Variants in CCDC169 observed in about 807,000 individuals in gnomAD.
CCDC169 encodes coiled-coil domain containing 169.
A neutral mutation model predicts 36.0 loss-of-function variants in CCDC169; 30 were observed. That is an observed-to-expected ratio of 0.83 (90% CI 0.62 to 1.13). The LOEUF is 1.13. CCDC169 is among the 50% of genes most tolerant of loss of function. The pLI is 0.00. For missense variants in CCDC169, 245 were observed against 245.9 expected (o/e 1.00, Z 0.03); for synonymous variants, 85 against 81.5 (o/e 1.04, Z -0.23).
At chr13:36,286,918 C>T (rs1878323958) in intron 2 of CCDC169, among the ~76,000 whole-genome samples, 1 of 152,170 alleles carries the variant, frequency 6.6e-6, no homozygotes, top group Non-Finnish European at 1.5e-5. Flanking sequence ...ACCTGACCTC[C>T]TTTCTCCTCT....
chr13:36,244,705 A>C (rs1172835827), intron 7 of CCDC169: 1 of 152,346 alleles, frequency 6.6e-6, no homozygotes, highest in Non-Finnish European at 1.5e-5. Context: ...GGGAGGAAGG[A>C]AATATATATT....
intron 4 of CCDC169, chr13:36,280,463 T>C (rs1481716574): frequency 2.0e-5 from 3 of 152,036 alleles, no homozygotes; most frequent in African/African-American, 7.2e-5. Context: ...TCCAACACAA[T>C]GGAACATAAT....
rs544115086 is a variant in CCDC169 at position 36,297,474 on chromosome 13, G to A, written c.83+163C>T. Among the ~76,000 whole-genome samples, 4 of 152,300 alleles carry A rather than the reference G, an allele frequency of 2.6e-5. No individual in the cohort carries two copies. The East Asian group carries it at 7.7e-4, about 29-fold the overall frequency. ...CAAAGGCTTACTCAAAGAGGCACGTGAATCTTTCGCATGGAATACTTTTGG... is the reference window on the plus strand; with the variant it reads ...CAAAGGCTTACTCAAAGAGGCACGTAAATCTTTCGCATGGAATACTTTTGG... On this transcript the variant is annotated intron_variant, in intron 1 of 7. Coordinates refer to ENST00000239859, the MANE Select transcript of CCDC169 (RefSeq NM_001144981.3).
At chr13:36,270,984 CAACCCACAG>C (rs1394693049) in intron 4 of CCDC169, among the ~76,000 whole-genome samples, 2 of 152,156 alleles carry the variant, frequency 1.3e-5, no homozygotes, top group African/African-American at 4.8e-5. Context: ...AGCAAGCACA[CAACCCACAG>C]AACGGGAGGA....
At chr13:36,276,503 T>C (rs1273215482) in intron 4 of CCDC169, among the ~76,000 whole-genome samples, 1 of 152,208 alleles carries the variant, frequency 6.6e-6, no homozygotes, top group East Asian at 1.9e-4. Flanking sequence ...TCTCTGTTTC[T>C]ACACCTTCTC....
At chr13:36,228,535 T>C (rs9531634), downstream of CCDC169, among the ~76,000 whole-genome samples, 61,503 of 151,900 alleles carry the variant, frequency 0.4, 13,214 homozygotes, top group Non-Finnish European at 0.48. Context: ...ATTTTTGCTG[T>C]GGTTATTGCA....
intron 2 of CCDC169, among the ~76,000 whole-genome samples, chr13:36,292,996 T>C (rs1879086655): frequency 6.6e-6 from 1 of 152,172 alleles, no homozygotes; most frequent in Non-Finnish European, 1.5e-5. Flanking sequence ...GCTCTGTTGG[T>C]AGAAACAGGT....
chr13:36,242,324 C>T (rs1013675484), intron 7 of CCDC169, among the ~76,000 whole-genome samples: 3 of 152,126 alleles, frequency 2.0e-5, no homozygotes, highest in Admixed American at 6.5e-5. Context: ...AATTTGCATT[C>T]TGCTGATGAG....
chr13:36,248,647 C>T lies in CCDC169; in HGVS notation c.504G>A (p.Gln168=). The part of the protein sequence containing the change: ...SGLHQVSKRQ[Q]VDQLPRMQEN... ...CTTGCATCCTAGGCAGTTGATCCACCTGTTGCCTTTTAGAAACTTGATGTA... is the reference window on the plus strand; with the variant it reads ...CTTGCATCCTAGGCAGTTGATCCACTTGTTGCCTTTTAGAAACTTGATGTA... Residue 168 remains glutamine (Q), a synonymous_variant, in exon 7 of 8, where the codon CAG becomes CAA. Coordinates refer to ENST00000239859, the MANE Select transcript of CCDC169 (RefSeq NM_001144981.3). 6.4e-7 allele frequency: 1 copy of T among 1,550,478 alleles called. No individual in the cohort carries two copies. Among genetic ancestry groups the T allele is most frequent in the East Asian group, 2.4e-5 (1 of 40,874 alleles).
At position 36,255,659 on chromosome 13, in the gene CCDC169, T is replaced by TAA. The variant is rs3083965; in HGVS notation, c.316-1518_316-1517dup. On this transcript the variant is annotated intron_variant, in intron 4 of 7. Transcript: ENST00000239859. ...AGCTGAGTGACAGAGCAAGGCTCCA[T>TAA]AAAAAAAAAAAAAAAAAAGAGGCCT... 1.3e-3 allele frequency among the ~76,000 whole-genome samples: 156 copies of TAA among 124,580 alleles called. 2 individuals are homozygous for TAA. The highest frequency in any genetic ancestry group is 3.6e-3 in the South Asian group (13 of 3,582). 81.7% of individuals were successfully genotyped at this position (124,580 alleles called of 152,430 possible). A position where few individuals can be genotyped will look rare whatever the true frequency, so the allele number is the denominator to read the frequency against.
intron 4 of CCDC169, among the ~76,000 whole-genome samples, chr13:36,263,493 CTT>C (rs1392762752): frequency 6.6e-6 from 1 of 152,148 alleles, no homozygotes; most frequent in Non-Finnish European, 1.5e-5. Flanking sequence ...TCTCTAAACA[CTT>C]TATTCTCTCT....
At chr13:36,281,964 A>G (rs1877595956) in intron 4 of CCDC169, among the ~76,000 whole-genome samples, 1 of 152,240 alleles carries the variant, frequency 6.6e-6, no homozygotes. Context: ...TTAATGATAT[A>G]GTTTAAAGAT....
At chr13:36,261,462 C>T (rs1486903425) in intron 4 of CCDC169, among the ~76,000 whole-genome samples, 1 of 152,204 alleles carries the variant, frequency 6.6e-6, no homozygotes, top group Non-Finnish European at 1.5e-5. Context: ...GATAGTTTTA[C>T]CTTTCCTACC....
chr13:36,254,156 A>G lies in CCDC169; in HGVS notation c.316-13T>C. ...TGTTTAAGGATTCCTAAAAATATAA[A>G]TAGTAAAATTTTATATGTACTCATG... On this transcript the variant is annotated splice_polypyrimidine_tract_variant and intron_variant, in intron 4 of 7. Transcript: ENST00000239859. 1 of 1,483,740 alleles carries G rather than the reference A, an allele frequency of 6.7e-7. No homozygotes were observed. The highest frequency in any genetic ancestry group is 2.6e-5 in the Admixed American group (1 of 38,636). 91.9% of individuals were successfully genotyped at this position (1,483,740 alleles called of 1,614,324 possible).
At chr13:36,244,818 G>A (rs1312528483) in intron 7 of CCDC169, among the ~76,000 whole-genome samples, 1 of 57,768 alleles carries the variant, frequency 1.7e-5, no homozygotes, top group Non-Finnish European at 3.1e-5. Context: ...TTCTTCTAGT[G>A]AACCACTGAA....
At chr13:36,260,694 T>C (rs1431517771) in intron 4 of CCDC169, among the ~76,000 whole-genome samples, 2 of 152,184 alleles carry the variant, frequency 1.3e-5, no homozygotes, top group East Asian at 1.9e-4. Flanking sequence ...ACAATTCTCC[T>C]TTAGTGCCTA....
intron 7 of CCDC169, among the ~76,000 whole-genome samples, chr13:36,242,606 T>A (rs1871972636): frequency 6.6e-6 from 1 of 152,214 alleles, no homozygotes. Context: ...GAACGGGTTT[T>A]TTTTTTCCAT....
chr13:36,252,897 G>A (rs1243961602), intron 6 of CCDC169, among the ~76,000 whole-genome samples: 5 of 152,072 alleles, frequency 3.3e-5, no homozygotes, highest in East Asian at 1.9e-4. Flanking sequence ...ATATTTAAAC[G>A]TCAGATATTA....
At chr13:36,259,438 A>T (rs1367420632) in intron 4 of CCDC169, among the ~76,000 whole-genome samples, 3 of 152,230 alleles carry the variant, frequency 2.0e-5, no homozygotes, top group Admixed American at 2.0e-4. Flanking sequence ...AGCGACATAC[A>T]TTTGTTGAAG....
Sources: gnomAD v4.1 joint callset for allele counts (sites outside exome capture counted in the v4.1 genomes callset) on GRCh38, gnomAD v4.1.1 for gene constraint, MANE v1.5 for transcripts, NCBI Gene and HGNC (gene_info 2026-07-23, HGNC 2026-07-21) for gene names.